CCDC148: variants seen among roughly 807,000 people sequenced by gnomAD.
The protein encoded by CCDC148 is coiled-coil domain-containing protein 148.
Under a neutral mutation model 85.7 loss-of-function variants are expected in CCDC148, and 89 were observed. The ratio of observed to expected loss-of-function variants is 1.04; its 90% CI spans 0.87 to 1.24. The LOEUF (loss-of-function observed/expected upper bound fraction) is 1.24. Among genes scored for constraint, CCDC148 ranks in the 50% most tolerant of loss-of-function variants. The pLI is 0.00. For synonymous variants in CCDC148, 230 were observed against 213.9 expected (o/e 1.08, Z -0.66); for missense variants, 692 against 671.7 (o/e 1.03, Z -0.33).
intron 1 of CCDC148, among the ~76,000 whole-genome samples, chr2:158,455,392 T>G (rs1688600878): frequency 6.6e-6 from 1 of 150,508 alleles, no homozygotes; most frequent in African/African-American, 2.4e-5. Flanking sequence ...GTGGAGAGGT[T>G]TTTTTTTTTC....
intron 1 of CCDC148, among the ~76,000 whole-genome samples, chr2:158,451,174 A>G (rs545013285): frequency 6.6e-6 from 1 of 151,908 alleles, no homozygotes; most frequent in East Asian, 1.9e-4. Flanking sequence ...TTTAGAGTCC[A>G]TATTTGTTGA....
chr2:158,255,038 C>T (rs912320405), intron 9 of CCDC148, among the ~76,000 whole-genome samples: 1 of 147,664 alleles, frequency 6.8e-6, no homozygotes, highest in Non-Finnish European at 1.5e-5. Flanking sequence ...GTGATGTACA[C>T]ACCAGAAAAT....
intron 9 of CCDC148, among the ~76,000 whole-genome samples, chr2:158,303,179 T>C (rs1691528454): frequency 6.6e-6 from 1 of 152,182 alleles, no homozygotes; most frequent in Non-Finnish European, 1.5e-5. Context: ...AAATTATGGT[T>C]AAATGTTTAA....
chr2:158,224,069 GA>G (rs894222646), intron 10 of CCDC148, among the ~76,000 whole-genome samples: 20 of 151,938 alleles, frequency 1.3e-4, no homozygotes, highest in Non-Finnish European at 2.5e-4. Flanking sequence ...TAAAAACCTT[GA>G]AAAAAAATTA....
At chr2:158,321,541 T>C (rs1033300093) in intron 7 of CCDC148, among the ~76,000 whole-genome samples, 23 of 152,164 alleles carry the variant, frequency 1.5e-4, no homozygotes, top group Non-Finnish European at 1.5e-4. Flanking sequence ...GAGAGTTCAT[T>C]CTCAGAGAAA....
At chr2:158,308,393 C>T (rs1224689955) in intron 9 of CCDC148, among the ~76,000 whole-genome samples, 1 of 152,230 alleles carries the variant, frequency 6.6e-6, no homozygotes, top group Non-Finnish European at 1.5e-5. Context: ...CCCTGCAGCC[C>T]ATGATAGACC....
intron 1 of CCDC148, among the ~76,000 whole-genome samples, chr2:158,403,767 T>C (rs1257985759): frequency 6.6e-6 from 1 of 152,052 alleles, no homozygotes; most frequent in Non-Finnish European, 1.5e-5. Context: ...AGAAAAAGAA[T>C]GTATTTATTT....
chr2:158,290,116 T>A (rs73968907), intron 9 of CCDC148, among the ~76,000 whole-genome samples: 1 of 152,036 alleles, frequency 6.6e-6, no homozygotes, highest in East Asian at 1.9e-4. Flanking sequence ...GGGAGACATG[T>A]GAGATGCAGA....
chr2:158,217,452 G>T (rs541095354), intron 11 of CCDC148, among the ~76,000 whole-genome samples: 4 of 150,324 alleles, frequency 2.7e-5, no homozygotes, highest in African/African-American at 9.8e-5. Context: ...GCCCAGGCTG[G>T]AGTGCGGTAG....
intron 9 of CCDC148, among the ~76,000 whole-genome samples, chr2:158,261,288 A>G (rs111515442): frequency 0.041 from 6,276 of 152,142 alleles, 336 homozygotes; most frequent in African/African-American, 0.12. Flanking sequence ...CTATTCAATA[A>G]ACGGTGCTGG....
intron 7 of CCDC148, 50 bp downstream of exon 7, chr2:158,338,676 T>A: frequency 7.2e-7 from 1 of 1,388,058 alleles, no homozygotes; most frequent in Non-Finnish European, 9.9e-7. Context: ...CAAACAAAAA[T>A]AAAAAGTTAG....
In CCDC148 at chr2:158,178,629, T is replaced by C. The variant is rs546836094; in HGVS notation, c.1488+250A>G. On this transcript the variant is annotated intron_variant, in intron 12 of 13. Coordinates refer to ENST00000283233, the MANE Select transcript of CCDC148 (RefSeq NM_138803.4). ...TCCAGCTAATAAACTCTAGGTGATA[T>C]AGATATAGTTAAATCTTGGGAGAGC... Among the ~76,000 whole-genome samples, 4 of 152,246 alleles carry C rather than the reference T, an allele frequency of 2.6e-5. No individual in the cohort carries two copies. In the South Asian group the frequency reaches 6.2e-4, roughly 24 times the overall value.
chr2:158,355,379 A>G (rs1235626720), intron 2 of CCDC148, among the ~76,000 whole-genome samples: 1 of 152,194 alleles, frequency 6.6e-6, no homozygotes, highest in African/African-American at 2.4e-5. Flanking sequence ...ACTTCAGCAA[A>G]GTCTCAGGAT....
chr2:158,283,719 G>A (rs1453380044), intron 9 of CCDC148, among the ~76,000 whole-genome samples: 15 of 150,798 alleles, frequency 9.9e-5, no homozygotes, highest in African/African-American at 1.9e-4. Flanking sequence ...TCAGTGTGGC[G>A]ATTCCTCAGG....
At chr2:158,269,647 C>T (rs539065747) in intron 9 of CCDC148, among the ~76,000 whole-genome samples, 1 of 152,322 alleles carries the variant, frequency 6.6e-6, no homozygotes, top group East Asian at 1.9e-4. Flanking sequence ...AAGGCACATT[C>T]TCTGTGGCTC....
At chr2:158,368,154 C>T (rs1185127406) in intron 1 of CCDC148, among the ~76,000 whole-genome samples, 2 of 152,134 alleles carry the variant, frequency 1.3e-5, no homozygotes. Context: ...CTGAAGTTTA[C>T]ACTATGAATG....
chr2:158,441,055 T>C (rs78578451), intron 1 of CCDC148, among the ~76,000 whole-genome samples: 2,424 of 152,006 alleles, frequency 0.016, 27 homozygotes, highest in Non-Finnish European at 0.025. Context: ...ACCCTGTCTC[T>C]TAAAAAAAGA....
At chr2:158,257,583 T>C (rs1038795403) in intron 9 of CCDC148, among the ~76,000 whole-genome samples, 1 of 151,878 alleles carries the variant, frequency 6.6e-6, no homozygotes, top group African/African-American at 2.4e-5. Flanking sequence ...CAGAAAAATT[T>C]TGTCTTTATT....
chr2:158,294,012 CCT>C lies in CCDC148; in HGVS notation c.1110+15419_1110+15420del, dbSNP rs1691040449. On this transcript the variant is annotated intron_variant, in intron 9 of 13. Coordinates refer to ENST00000283233, the MANE Select transcript of CCDC148 (RefSeq NM_138803.4). ...TCCCTCCCTCCCTCCCTCCTTCCTT[CCT>C]TCCTTCCTTCCTTCCTTCCTTCCTT... Among the ~76,000 whole-genome samples the C allele has an allele frequency of 1.8e-4, 2 of 11,176 alleles. 1 individual carries two copies. Among genetic ancestry groups the C allele is most frequent in the Non-Finnish European group, 3.0e-4 (2 of 6,624 alleles). 7.3% of individuals were successfully genotyped at this position (11,176 alleles called of 152,430 possible).
Sources: gnomAD v4.1 joint callset for allele counts (sites outside exome capture counted in the v4.1 genomes callset) on GRCh38, gnomAD v4.1.1 for gene constraint, MANE v1.5 for transcripts, NCBI Gene and HGNC (gene_info 2026-07-23, HGNC 2026-07-21) for gene names.